The following GKAP1 variants were observed in gnomAD, a reference collection of about 807,000 sequenced individuals.
The protein encoded by GKAP1 is G kinase anchoring protein 1.
In GKAP1, 31 loss-of-function variants were observed where a neutral mutation model predicts 56.7. The observed-to-expected ratio is 0.55, with a 90% confidence interval of 0.41 to 0.74. The LOEUF is 0.74. GKAP1 is among the 30% of genes least tolerant of loss of function. The pLI, the probability that GKAP1 is intolerant of heterozygous loss-of-function variation, is 0.00. For missense variants in GKAP1, 364 were observed against 402.3 expected (o/e 0.90, Z 0.82); for synonymous variants, 151 against 138.6 (o/e 1.09, Z -0.63).
intron 5 of GKAP1, among the ~76,000 whole-genome samples, chr9:83,787,500 G>C (rs1055846324): frequency 6.6e-6 from 1 of 152,168 alleles, no homozygotes; most frequent in African/African-American, 2.4e-5. Flanking sequence ...AGCCTCCTGA[G>C]TAGCTGCTGT....
intron 8 of GKAP1, among the ~76,000 whole-genome samples, chr9:83,759,602 GTT>G (rs1365458226): frequency 1.3e-5 from 2 of 152,132 alleles, no homozygotes; most frequent in African/African-American, 4.8e-5. Flanking sequence ...AAACAACTGA[GTT>G]TTGAACATTT....
At chr9:83,777,344 C>A (rs1162469700) in intron 7 of GKAP1, among the ~76,000 whole-genome samples, 3 of 152,062 alleles carry the variant, frequency 2.0e-5, no homozygotes, top group Non-Finnish European at 4.4e-5. Flanking sequence ...CTATGAGATA[C>A]CCTTCCTAAC....
At chr9:83,794,739 T>C (rs1418970213) in intron 4 of GKAP1, among the ~76,000 whole-genome samples, 3 of 152,234 alleles carry the variant, frequency 2.0e-5, no homozygotes, top group African/African-American at 4.8e-5. Context: ...CTGGAATCAA[T>C]AGTATCAGTG....
chr9:83,745,635 CTTCAT>C, intron 10 of GKAP1, among the ~76,000 whole-genome samples: 1 of 152,172 alleles, frequency 6.6e-6, no homozygotes, highest in East Asian at 1.9e-4. Flanking sequence ...CAATGATACT[CTTCAT>C]TTCTGCACTT....
chr9:83,785,421 T>C (rs993207008), intron 5 of GKAP1, among the ~76,000 whole-genome samples: 1 of 152,218 alleles, frequency 6.6e-6, no homozygotes, highest in Non-Finnish European at 1.5e-5. Flanking sequence ...TAATTATTTC[T>C]GTATAGACAG....
At chr9:83,798,792 A>G (rs1944287554) in intron 4 of GKAP1, among the ~76,000 whole-genome samples, 1 of 152,172 alleles carries the variant, frequency 6.6e-6, no homozygotes, top group Admixed American at 6.5e-5. Flanking sequence ...CTGGGATTAC[A>G]GGTGTGAGCC....
Position 83,788,656 on chromosome 9 carries a change from G to A in GKAP1, c.383C>T (p.Ala128Val). Residue 128 changes from alanine (A) to valine (V), a missense_variant, in exon 5 of 13, where the codon GCA (alanine) becomes GTA (valine). Ala to Val is a moderately conservative substitution (Grantham distance 64, BLOSUM62 0). Coordinates refer to ENST00000376371, the MANE Select transcript of GKAP1 (RefSeq NM_025211.4). ...TAGTAACAATGCCTTCTCAAGATCT[G>A]CTTCAAACATTTCAGATGTCAGCTA... ...DEQLTSEMFE[A>V]DLEKALLLSK... is the part of the protein sequence containing the mutation. 6.2e-7 allele frequency: 1 copy of A among 1,604,140 alleles called. No individual in the cohort carries two copies. Among genetic ancestry groups the A allele is most frequent in the Non-Finnish European group, 8.5e-7 (1 of 1,175,440 alleles).
In GKAP1 at chr9:83,779,548, C is replaced by CATGTATAT. The variant is rs1564201760; in HGVS notation, c.585+833_585+834insATATACAT. Reference sequence around the variant, plus strand: ...ACGTGTATATGTGTATATATATACACGTGTATATGTGTATATATATACACA... The same window carrying CATGTATAT: ...ACGTGTATATGTGTATATATATACACATGTATATGTGTATATGTGTATATATATACACA... On this transcript the variant is annotated intron_variant, in intron 7 of 12. Coordinates refer to ENST00000376371, the MANE Select transcript of GKAP1 (RefSeq NM_025211.4). 3.0e-3 allele frequency among the ~76,000 whole-genome samples: 276 copies of CATGTATAT among 91,142 alleles called. 6 individuals carry two copies. Among genetic ancestry groups the CATGTATAT allele is most frequent in the East Asian group, 9.1e-3 (22 of 2,406 alleles). The allele number at this position is 91,142 out of a possible 152,430, so 59.8% of individuals were successfully genotyped here.
At chr9:83,744,087 A>G (rs901435049) in intron 10 of GKAP1, among the ~76,000 whole-genome samples, 5 of 152,206 alleles carry the variant, frequency 3.3e-5, no homozygotes, top group African/African-American at 9.6e-5. Context: ...CCCTATCAAG[A>G]ATCAATTCAG....
At chr9:83,808,948 T>C (rs1251182964) in intron 2 of GKAP1, among the ~76,000 whole-genome samples, 1 of 152,248 alleles carries the variant, frequency 6.6e-6, no homozygotes, top group Non-Finnish European at 1.5e-5. Context: ...CAGCCAGATC[T>C]AATAAAGTCT....
chr9:83,742,402 TACATAATAATAAAGTATA>T, intron 11 of GKAP1, 110 bp downstream of exon 11: 1 of 643,558 alleles, frequency 1.6e-6, no homozygotes, highest in Non-Finnish European at 2.7e-6. Flanking sequence ...CATGGGCTAT[TACATAATAATAAAGTATA>T]ATTTATACTA....
At position 83,753,361 on chromosome 9, in the gene GKAP1, TG is replaced by T; in HGVS notation, c.739-3del. The T allele has an allele frequency of 6.5e-7, 1 of 1,542,556 alleles. No individual in the cohort carries two copies. Among genetic ancestry groups the T allele is most frequent in the Admixed American group, 1.7e-5 (1 of 59,714 alleles). On this transcript the variant is annotated splice_polypyrimidine_tract_variant and splice_region_variant and intron_variant, in intron 8 of 12. Coordinates refer to ENST00000376371, the MANE Select transcript of GKAP1 (RefSeq NM_025211.4). ...TCTTCCATCTTTCAGAACCACTTCC[TG>T]AAAAGAGAGAAACAACACTTTAGGA...
chr9:83,799,377 ATAC>A, intron 3 of GKAP1, 49 bp from the exon 4 acceptor site: 2 of 1,300,066 alleles, frequency 1.5e-6, no homozygotes, highest in Non-Finnish European at 2.1e-6. Flanking sequence ...CAATCCTGGG[ATAC>A]TAATGATTTT....
intron 7 of GKAP1, among the ~76,000 whole-genome samples, chr9:83,774,701 C>T (rs1436676149): frequency 0.25 from 25,072 of 100,552 alleles, 6,527 homozygotes; most frequent in East Asian, 0.35. Context: ...ACAGAAACCC[C>T]CTTTTTTTTT....
intron 8 of GKAP1, among the ~76,000 whole-genome samples, chr9:83,756,707 A>G (rs1327515857): frequency 6.6e-6 from 1 of 152,138 alleles, no homozygotes; most frequent in Non-Finnish European, 1.5e-5. Flanking sequence ...GATGATAATG[A>G]TACCCACCAA....
At chr9:83,747,069 T>C (rs1943307220) in intron 10 of GKAP1, among the ~76,000 whole-genome samples, 1 of 152,262 alleles carries the variant, frequency 6.6e-6, no homozygotes, top group African/African-American at 2.4e-5. Context: ...ATTAATTTTG[T>C]CTATTCAGAG....
At chr9:83,800,330 CGTTTTTTTTTT>C (rs1475579925) in intron 3 of GKAP1, among the ~76,000 whole-genome samples, 3 of 142,154 alleles carry the variant, frequency 2.1e-5, no homozygotes, top group South Asian at 4.5e-4. Flanking sequence ...TGCCTCCTTA[CGTTTTTTTTTT>C]GTTTTTTTTT....
At chr9:83,746,700 T>A (rs547423266) in intron 10 of GKAP1, among the ~76,000 whole-genome samples, 9 of 128,510 alleles carry the variant, frequency 7.0e-5, no homozygotes, top group Admixed American at 1.9e-4. Flanking sequence ...TCTCAAAAAA[T>A]AAATAAATAA....
chr9:83,804,825 C>T (rs1359184946), intron 3 of GKAP1, among the ~76,000 whole-genome samples: 11 of 112,218 alleles, frequency 9.8e-5, no homozygotes, highest in Non-Finnish European at 1.8e-4. Flanking sequence ...CCTGGTCAGC[C>T]GCCCCGTCCG....
Sources: gnomAD v4.1 joint callset for allele counts (sites outside exome capture counted in the v4.1 genomes callset) on GRCh38, gnomAD v4.1.1 for gene constraint, MANE v1.5 for transcripts, NCBI Gene and HGNC (gene_info 2026-07-23, HGNC 2026-07-21) for gene names.